SHLD2: variants seen among roughly 807,000 people sequenced by gnomAD.
SHLD2 encodes RINN1-REV7-interacting novel NHEJ regulator 2.
In SHLD2, 30 loss-of-function variants were observed where a neutral mutation model predicts 73.2. The ratio of observed to expected loss-of-function variants is 0.41; its 90% CI spans 0.31 to 0.56. The LOEUF is 0.56. SHLD2 is among the 20% of genes least tolerant of loss of function. The probability of loss-of-function intolerance (pLI) is 0.28; values close to 1 mark genes in which losing one functional copy is unlikely to be tolerated. For missense variants in SHLD2, 745 were observed against 1,055.9 expected, an observed-to-expected ratio of 0.71 and a Z score of 4.08; for synonymous variants, 285 against 370.1, an observed-to-expected ratio of 0.77 and a Z score of 2.64.
intron 2 of SHLD2, among the ~76,000 whole-genome samples, chr10:87,140,323 A>G (rs1272793225): frequency 1.3e-5 from 2 of 151,202 alleles, no homozygotes; most frequent in African/African-American, 4.9e-5. Flanking sequence ...GGGAGGCTGA[A>G]GCATGAGAAT....
At chr10:87,105,295 A>C (rs1293250906) in intron 2 of SHLD2, among the ~76,000 whole-genome samples, 1 of 152,232 alleles carries the variant, frequency 6.6e-6, no homozygotes, top group Non-Finnish European at 1.5e-5. Context: ...TGAAAAATAC[A>C]CCAGAGAAGC....
At chr10:87,109,965 G>A (rs534219369) in intron 2 of SHLD2, among the ~76,000 whole-genome samples, 3 of 152,230 alleles carry the variant, frequency 2.0e-5, no homozygotes, top group Admixed American at 2.0e-4. Flanking sequence ...TTTTACAAAG[G>A]AATAAGTGAT....
chr10:87,144,555 G>A (rs1845437034), intron 2 of SHLD2, among the ~76,000 whole-genome samples: 1 of 149,628 alleles, frequency 6.7e-6, no homozygotes, highest in African/African-American at 2.5e-5. Context: ...TTCATAAGTC[G>A]CATAAAATGT....
intron 2 of SHLD2, among the ~76,000 whole-genome samples, chr10:87,109,500 T>C (rs147015968): frequency 0.015 from 2,240 of 152,246 alleles, 56 homozygotes; most frequent in African/African-American, 0.051. Flanking sequence ...TGTTTCGCCA[T>C]GTTGGCCAGG....
intron 6 of SHLD2, among the ~76,000 whole-genome samples, chr10:87,175,349 C>T (rs7070662): frequency 6.6e-6 from 1 of 151,212 alleles, no homozygotes; most frequent in South Asian, 2.1e-4. Context: ...TAAATGATGA[C>T]CGTTCAGGAG....
chr10:87,110,214 A>C (rs1842835491), intron 2 of SHLD2, among the ~76,000 whole-genome samples: 1 of 152,132 alleles, frequency 6.6e-6, no homozygotes, highest in Non-Finnish European at 1.5e-5. Context: ...GCATGAGCCC[A>C]GGAGGTTGAG....
rs1848213964 is a variant in SHLD2 at position 87,180,185 on chromosome 10, C to G, written c.2281C>G (p.Pro761Ala). The change falls in exon 8 of 10, where the codon CCC becomes GCC. Residue 761 changes from proline to alanine, a missense_variant. Around this residue, in one of 5 missense-constraint regions of SHLD2, gnomAD observed 418 missense variants for 567.8 expected, o/e 0.74. Transcript: ENST00000298786. ...SSLKSIFSSL[P>A]NIVYTGCAKC... is the part of the protein sequence containing the mutation. ...TCTGAAGAGTATTTTTTCTTCTCTT[C>G]CCAACATCGTATATACTGGTTGTGC... The G allele has an allele frequency of 6.2e-7, 1 of 1,613,466 alleles. No homozygotes were observed. Among genetic ancestry groups the G allele is most frequent in the Non-Finnish European group, 8.5e-7 (1 of 1,179,634 alleles).
upstream of SHLD2, chr10:87,094,583 C>A: frequency 6.2e-7 from 1 of 1,611,490 alleles, no homozygotes; most frequent in Non-Finnish European, 8.5e-7. The surrounding 1 kb of genome is among the most constrained non-coding windows in gnomAD (Gnocchi z 6.6). Flanking sequence ...AAGTTGGGGT[C>A]GTCCTCGCGG....
At chr10:87,115,563 T>C (rs1726176653) in intron 2 of SHLD2, 1 of 151,464 alleles carries the variant, frequency 6.6e-6, no homozygotes, top group Admixed American at 6.6e-5. Context: ...GTAAGAGGAG[T>C]TTCAGTGTAG....
rs1158648061 is a variant in SHLD2 at position 87,188,057 on chromosome 10, CTTGCACCTCCCCAAG to C, written c.2515+864_2515+878del. Among the ~76,000 whole-genome samples, 6 of 152,236 alleles carry C rather than the reference CTTGCACCTCCCCAAG, an allele frequency of 3.9e-5. No individual in the cohort carries two copies. The East Asian group carries it at 1.2e-3, about 29-fold the overall frequency. ...CTCAGAGAAAGTTTCTTTCCACGTT[CTTGCACCTCCCCAAG>C]TTGCACAAGCTTTTGTTGGTTGTTA... On this transcript the variant is annotated intron_variant, in intron 9 of 9. Transcript: ENST00000298786.
At chr10:87,122,014 C>G (rs1843664035) in intron 2 of SHLD2, among the ~76,000 whole-genome samples, 1 of 151,980 alleles carries the variant, frequency 6.6e-6, no homozygotes, top group South Asian at 2.1e-4. Context: ...ATCCGCCTGC[C>G]TTGGTCTCCC....
chr10:87,177,990 C>A (rs1257633716), intron 7 of SHLD2, among the ~76,000 whole-genome samples: 1 of 151,954 alleles, frequency 6.6e-6, no homozygotes, highest in Non-Finnish European at 1.5e-5. Context: ...AATTCCAGCA[C>A]TTTGGGAGGC....
intron 4 of SHLD2, among the ~76,000 whole-genome samples, chr10:87,166,351 A>G (rs1167068662): frequency 6.7e-6 from 1 of 148,884 alleles, no homozygotes; most frequent in East Asian, 1.9e-4. Context: ...TCACATTTCT[A>G]GAGTGACTAA....
intron 4 of SHLD2, among the ~76,000 whole-genome samples, chr10:87,159,029 G>A (rs1846628562): frequency 6.6e-6 from 1 of 152,016 alleles, no homozygotes; most frequent in Non-Finnish European, 1.5e-5. Context: ...ATATTAGAGG[G>A]AGAAATAATA....
chr10:87,112,710 A>G (rs1245457206), intron 2 of SHLD2, among the ~76,000 whole-genome samples: 1 of 142,646 alleles, frequency 7.0e-6, no homozygotes, highest in East Asian at 2.7e-4. Flanking sequence ...AATAACTTAA[A>G]TCTCAAAAAA....
upstream of SHLD2, chr10:87,094,626 G>T (rs1461875403): frequency 6.2e-7 from 1 of 1,608,774 alleles, no homozygotes; most frequent in Non-Finnish European, 8.5e-7. The surrounding 1 kb of genome is among the most constrained non-coding windows in gnomAD (Gnocchi z 6.6). Flanking sequence ...GGCGCCGGGC[G>T]GCCAATGCCA....
At chr10:87,104,902 G>T (rs183018107) in intron 2 of SHLD2, among the ~76,000 whole-genome samples, 1 of 151,952 alleles carries the variant, frequency 6.6e-6, no homozygotes, top group African/African-American at 2.4e-5. Context: ...CTTGTGATCC[G>T]CCTGCCTCCG....
chr10:87,116,732 G>A (rs1217325084), intron 2 of SHLD2, among the ~76,000 whole-genome samples: 1 of 152,084 alleles, frequency 6.6e-6, no homozygotes, highest in African/African-American at 2.4e-5. Flanking sequence ...GATTTTTCAC[G>A]GCTGTGGTAT....
Position 87,191,273 on chromosome 10 carries a change from G to C in SHLD2, c.*590G>C, listed in dbSNP as rs1326160990. 1 of 157,676 alleles carries C rather than the reference G, an allele frequency of 6.3e-6. No individual in the cohort carries two copies. The highest frequency in any genetic ancestry group is 1.4e-5 in the Non-Finnish European group (1 of 71,114). 9.8% of individuals were successfully genotyped at this position (157,676 alleles called of 1,614,324 possible). ...TGTGCTTAGTTCGTGTCTAGGATTT[G>C]AGTGCCTTACTGAATGCATTTACCA... is the stretch of plus-strand genomic sequence containing the variant. On this transcript the variant is annotated 3_prime_UTR_variant, in exon 10 of 10. Transcript: ENST00000298786.
Sources: gnomAD v4.1 joint callset for allele counts (sites outside exome capture counted in the v4.1 genomes callset) on GRCh38, gnomAD v4.1.1 for gene constraint, gnomAD v4.1.1 regional missense constraint, Gnocchi (gnomAD v3.1) non-coding constraint, MANE v1.5 for transcripts, NCBI Gene and HGNC (gene_info 2026-07-23, HGNC 2026-07-21) for gene names.